The following ATP2C2 variants were observed in gnomAD, a reference collection of about 807,000 sequenced individuals.
ATP2C2 encodes the protein calcium-transporting ATPase type 2C member 2.
ATP2C2 carries 171 observed loss-of-function variants against 110.8 expected under a neutral mutation model. The ratio of observed to expected loss-of-function variants is 1.54; its 90% CI spans 1.36 to 1.75. ATP2C2 has a LOEUF of 1.75. ATP2C2 is among the 40% of genes most tolerant of loss of function. The probability of loss-of-function intolerance (pLI) is 0.00; values close to 1 mark genes in which losing one functional copy is unlikely to be tolerated. For missense variants in ATP2C2, 1,963 were observed against 1,235.0 expected (o/e 1.59, Z -8.84); for synonymous variants, 804 against 508.4 (o/e 1.58, Z -7.82).
At chr16:84,382,476 G>A (rs1910635203) in intron 1 of ATP2C2, among the ~76,000 whole-genome samples, 1 of 152,094 alleles carries the variant, frequency 6.6e-6, no homozygotes. Context: ...CCAATCCCCT[G>A]CCTTTTGCCA....
chr16:84,371,350 C>T (rs572986755), intron 1 of ATP2C2, among the ~76,000 whole-genome samples: 49 of 152,250 alleles, frequency 3.2e-4, no homozygotes, highest in South Asian at 8.3e-4. Flanking sequence ...GATGCCATCT[C>T]TGCAAAAAAT....
intron 1 of ATP2C2, among the ~76,000 whole-genome samples, chr16:84,380,997 A>C (rs1910548872): frequency 6.6e-6 from 1 of 152,190 alleles, no homozygotes; most frequent in Non-Finnish European, 1.5e-5. Context: ...CGGCCAACGT[A>C]GTGAATTTCA....
chr16:84,459,159 C>G lies in ATP2C2; in HGVS notation c.2187C>G (p.Ile729Met), dbSNP rs764957092. 5.0e-6 allele frequency: 8 copies of G among 1,614,064 alleles called. No individual in the cohort carries two copies. The highest frequency in any genetic ancestry group is 1.7e-5 in the Admixed American group (1 of 60,010). ...AAGGCAAGGGTATTTTTTACAACAT[C>G]AAAAACTTTGTCCGATTCCAGCTGA... is the stretch of plus-strand genomic sequence containing the variant. ...VEEGKGIFYN[I>M]KNFVRFQLST... The change falls in exon 22 of 27, where the codon ATC becomes ATG. Residue 729 changes from isoleucine to methionine, a missense_variant. Ile to Met is a conservative substitution (Grantham distance 10). Transcript: ENST00000262429.
At chr16:84,425,826 G>C (rs1257091735) in intron 11 of ATP2C2, 25 bp downstream of exon 11, 1 of 1,612,716 alleles carries the variant, frequency 6.2e-7, no homozygotes, top group Non-Finnish European at 8.5e-7. Context: ...GCCGCCCCTT[G>C]CCTTGCCAGG....
intron 1 of ATP2C2, among the ~76,000 whole-genome samples, chr16:84,381,173 C>A (rs372887688): frequency 6.6e-6 from 1 of 152,138 alleles, no homozygotes; most frequent in Non-Finnish European, 1.5e-5. Context: ...TTACGTTTTG[C>A]GTGCAGGGGT....
intron 1 of ATP2C2, among the ~76,000 whole-genome samples, chr16:84,372,106 G>A (rs1909988195): frequency 6.6e-6 from 1 of 152,200 alleles, no homozygotes; most frequent in South Asian, 2.1e-4. Flanking sequence ...GGATGAGGCT[G>A]CAGAGGAGGG....
At chr16:84,399,650 G>C (rs56116338) in intron 2 of ATP2C2, among the ~76,000 whole-genome samples, 3 of 152,072 alleles carry the variant, frequency 2.0e-5, no homozygotes. Flanking sequence ...TGGGTACATA[G>C]TAGGTGCATA....
intron 21 of ATP2C2, among the ~76,000 whole-genome samples, chr16:84,455,651 AC>A (rs1249793924): frequency 1.3e-5 from 2 of 152,126 alleles, no homozygotes; most frequent in South Asian, 4.1e-4. Context: ...TAAGCCTGAT[AC>A]AAAAAATCCA....
At chr16:84,445,997 C>A (rs1287541728) in intron 15 of ATP2C2, among the ~76,000 whole-genome samples, 2 of 152,222 alleles carry the variant, frequency 1.3e-5, no homozygotes, top group Non-Finnish European at 2.9e-5. Context: ...GGCTGTCTCA[C>A]TGACTCAGGG....
chr16:84,384,113 A>T (rs1412471024), intron 1 of ATP2C2, among the ~76,000 whole-genome samples: 2 of 152,160 alleles, frequency 1.3e-5, no homozygotes, highest in Non-Finnish European at 2.9e-5. Context: ...GACAGTCTTC[A>T]TTAATCACAA....
At chr16:84,461,402 C>G (rs1170664438) in intron 24 of ATP2C2, 5 of 500,858 alleles carry the variant, frequency 1.0e-5, no homozygotes, top group East Asian at 3.6e-5. Flanking sequence ...AGGAAATGAC[C>G]TTCACTCTGG....
In ATP2C2 at chr16:84,461,740, C is replaced by G; in HGVS notation, c.2508C>G (p.Pro836=). The G allele has an allele frequency of 1.2e-6, 2 of 1,614,182 alleles. No individual in the cohort carries two copies. The highest frequency in any genetic ancestry group is 8.5e-7 in the Non-Finnish European group (1 of 1,180,014). The change falls in exon 25 of 27, where the codon CCC becomes CCG. Residue 836 remains proline (P), a synonymous_variant. Coordinates refer to ENST00000262429, the MANE Select transcript of ATP2C2 (RefSeq NM_014861.4). ...TGCCTGAAGACAGAGCAAGCACTCC[C>G]CGCACCACGACGATGACGTTCACTT... ...KEMPEDRAST[P]RTTTMTFTCF... is the part of the protein sequence containing the mutation.
chr16:84,378,535 G>A (rs983617109), intron 1 of ATP2C2, among the ~76,000 whole-genome samples: 2 of 152,202 alleles, frequency 1.3e-5, no homozygotes, highest in South Asian at 2.1e-4. Context: ...GCCTCCCTCA[G>A]TGAATGTTAG....
At chr16:84,382,696 C>T (rs1179436768) in intron 1 of ATP2C2, among the ~76,000 whole-genome samples, 1 of 152,130 alleles carries the variant, frequency 6.6e-6, no homozygotes, top group South Asian at 2.1e-4. Flanking sequence ...AAGTTTGAGA[C>T]CAGCCTGGCC....
intron 14 of ATP2C2, 121 bp downstream of exon 14, chr16:84,441,079 G>A: frequency 2.4e-6 from 2 of 845,336 alleles, no homozygotes; most frequent in African/African-American, 3.4e-5. Flanking sequence ...GCCCATCCAG[G>A]GGTGAGGCTG....
chr16:84,433,293 G>C (rs1337792197), intron 11 of ATP2C2, among the ~76,000 whole-genome samples: 2 of 152,110 alleles, frequency 1.3e-5, no homozygotes, highest in East Asian at 1.9e-4. Context: ...TGAGGCGGGA[G>C]GATTGCTTGA....
intron 11 of ATP2C2, chr16:84,438,941 A>C: frequency 1.9e-6 from 1 of 515,458 alleles, no homozygotes; most frequent in Non-Finnish European, 3.4e-6. Flanking sequence ...TGGATGACTG[A>C]CAGGAGAGGT....
chr16:84,410,416 T>C, intron 4 of ATP2C2, 152 bp from the exon 5 acceptor site: 1 of 865,442 alleles, frequency 1.2e-6, no homozygotes, highest in South Asian at 1.5e-5. Flanking sequence ...CCTGCTCTTT[T>C]GGCTAGTATA....
intron 3 of ATP2C2, among the ~76,000 whole-genome samples, chr16:84,408,005 T>G (rs247815): frequency 0.13 from 19,609 of 152,186 alleles, 1,635 homozygotes; most frequent in Admixed American, 0.18. Flanking sequence ...AGGAGCAGGC[T>G]GTTACTGAGT....
Sources: gnomAD v4.1 joint callset for allele counts (sites outside exome capture counted in the v4.1 genomes callset) on GRCh38, gnomAD v4.1.1 for gene constraint, MANE v1.5 for transcripts, NCBI Gene and HGNC (gene_info 2026-07-23, HGNC 2026-07-21) for gene names.